The following CC2D2B variants were observed in gnomAD, a reference collection of about 807,000 sequenced individuals.
CC2D2B encodes protein CC2D2B.
A neutral mutation model predicts 161.2 loss-of-function variants in CC2D2B; 128 were observed. That is an observed-to-expected ratio of 0.79 (90% confidence interval 0.69 to 0.92). The LOEUF (loss-of-function observed/expected upper bound fraction) is 0.92. CC2D2B is among the 40% of genes least tolerant of loss of function. The pLI is 0.00. For synonymous variants in CC2D2B, 391 were observed against 449.8 expected, an observed-to-expected ratio of 0.87 and a Z score of 1.65; for missense variants, 1,173 against 1,375.1, an observed-to-expected ratio of 0.85 and a Z score of 2.32.
chr10:95,968,709 T>C lies in CC2D2B; in HGVS notation c.1467-15T>C, dbSNP rs2077025358. 5.3e-6 allele frequency: 6 copies of C among 1,122,560 alleles called. No homozygotes were observed. Among genetic ancestry groups the C allele is most frequent in the Non-Finnish European group, 6.8e-6 (6 of 888,534 alleles). 69.5% of individuals were successfully genotyped at this position (1,122,560 alleles called of 1,614,324 possible). A position where few individuals can be genotyped will look rare whatever the true frequency, so the allele number is the denominator to read the frequency against. The stretch of plus-strand genomic sequence containing the variant: ...TACTTTTTAAGGGTGATTTAAAGGT[T>C]TGTTTAATTTTTAGGCATGAACAAA... On this transcript the variant is annotated splice_polypyrimidine_tract_variant and intron_variant, in intron 14 of 34. Coordinates refer to ENST00000646931, the MANE Select transcript of CC2D2B (RefSeq NM_001349008.3).
At chr10:95,999,745 CTT>C (rs746798457) in intron 24 of CC2D2B, 12,911 of 174,074 alleles carry the variant, frequency 0.074, 109 homozygotes, top group Middle Eastern at 0.11. Context: ...GTCCAGAGGT[CTT>C]TTTTTTTTTT....
At chr10:95,919,928 G>C (rs1038338091) in intron 2 of CC2D2B, 1 of 151,594 alleles carries the variant, frequency 6.6e-6, no homozygotes, top group African/African-American at 2.4e-5. Flanking sequence ...AGGGCTATCT[G>C]CTTATGGGCA....
chr10:95,977,900 A>C (rs1222048987), intron 17 of CC2D2B, among the ~76,000 whole-genome samples: 1 of 152,228 alleles, frequency 6.6e-6, no homozygotes, highest in Non-Finnish European at 1.5e-5. Flanking sequence ...AGTGGAATAA[A>C]GGTTACCAGG....
chr10:95,981,939 T>C (rs2077546925), intron 17 of CC2D2B, 36 bp from the exon 18 acceptor site: 1 of 1,072,692 alleles, frequency 9.3e-7, no homozygotes, highest in African/African-American at 1.6e-5. Flanking sequence ...TATTTTATAT[T>C]GTATGCAAGT....
At chr10:95,910,256 A>G (rs1199405777) in intron 1 of CC2D2B, among the ~76,000 whole-genome samples, 1 of 152,160 alleles carries the variant, frequency 6.6e-6, no homozygotes, top group African/African-American at 2.4e-5. Context: ...GTTGAATGAT[A>G]CTCTTGTATT....
At chr10:95,945,884 A>C (rs1417808513) in intron 9 of CC2D2B, among the ~76,000 whole-genome samples, 4 of 148,542 alleles carry the variant, frequency 2.7e-5, no homozygotes, top group Non-Finnish European at 5.9e-5. Flanking sequence ...TCCCAGGTTC[A>C]AGTACTTCTC....
chr10:95,994,823 A>T (rs1169259750), intron 22 of CC2D2B, among the ~76,000 whole-genome samples: 1 of 152,238 alleles, frequency 6.6e-6, no homozygotes, highest in Non-Finnish European at 1.5e-5. Flanking sequence ...TATACTAATG[A>T]CTGATAATGT....
intron 6 of CC2D2B, among the ~76,000 whole-genome samples, chr10:95,934,161 G>A (rs761172949): frequency 2.6e-5 from 4 of 152,232 alleles, no homozygotes; most frequent in African/African-American, 4.8e-5. Context: ...GAACTTCCCC[G>A]TGGCTTTGTT....
Position 95,983,678 on chromosome 10 carries a change from G to A in CC2D2B, c.2155G>A (p.Val719Ile), listed in dbSNP as rs991412784. The change falls in exon 19 of 35, where the codon GTT becomes ATT. Residue 719 changes from valine (V) to isoleucine (I), a missense_variant. Around this residue, in one of 3 missense-constraint regions of CC2D2B, gnomAD observed 277 missense variants for 420.6 expected, o/e 0.66. Coordinates refer to ENST00000646931, the MANE Select transcript of CC2D2B (RefSeq NM_001349008.3). ...ACAGTTGCAAGATGAATTTAACTTCGTTTCTGAAGAGGAAATGGCAAAGAG... is the reference window on the plus strand; with the variant it reads ...ACAGTTGCAAGATGAATTTAACTTCATTTCTGAAGAGGAAATGGCAAAGAG... ...LEQLQDEFNF[V>I]SEEEMAKSKR... The A allele has an allele frequency of 5.4e-5, 66 of 1,231,364 alleles. No individual in the cohort carries two copies. The highest frequency in any genetic ancestry group is 3.1e-4 in the Middle Eastern group (1 of 3,224). The allele number at this position is 1,231,364 out of a possible 1,614,324, so 76.3% of individuals were successfully genotyped here.
intron 15 of CC2D2B, 133 bp downstream of exon 15, chr10:95,969,034 A>G (rs1334510758): frequency 2.5e-6 from 1 of 397,892 alleles, no homozygotes; most frequent in Non-Finnish European, 4.4e-6. Context: ...TGTGTAGATG[A>G]TAAGATATTT....
intron 24 of CC2D2B, among the ~76,000 whole-genome samples, chr10:96,003,021 A>AATAAATATATATAT (rs1366887388): frequency 1.3e-4 from 18 of 140,704 alleles, no homozygotes; most frequent in African/African-American, 4.7e-4. Context: ...AAAATAAATA[A>AATAAATATATATAT]ATATATATAT....
At chr10:95,965,462 A>G (rs1470155648) in intron 12 of CC2D2B, among the ~76,000 whole-genome samples, 1 of 152,078 alleles carries the variant, frequency 6.6e-6, no homozygotes, top group South Asian at 2.1e-4. Context: ...ATAAACACCA[A>G]CTATGATTTA....
rs2076935582 is a variant in CC2D2B, at chr10:95,966,189, G to A, written c.1354-1G>A. Reference sequence around the variant, plus strand: ...TCATATATTTATTTTTTGATTTCTAGAGCCTCTCATATCTAGCTTCAGACG... The same window carrying A: ...TCATATATTTATTTTTTGATTTCTAAAGCCTCTCATATCTAGCTTCAGACG... On this transcript the variant is annotated splice_acceptor_variant, in intron 13 of 34. Transcript: ENST00000646931. LOFTEE classifies it high-confidence loss of function. 1 of 1,155,994 alleles carries A rather than the reference G, an allele frequency of 8.7e-7. No individual in the cohort carries two copies. The highest frequency in any genetic ancestry group is 1.1e-6 in the Non-Finnish European group (1 of 919,024). 71.6% of individuals were successfully genotyped at this position (1,155,994 alleles called of 1,614,324 possible).
At chr10:95,945,702 C>T (rs569122511) in intron 9 of CC2D2B, among the ~76,000 whole-genome samples, 1 of 152,076 alleles carries the variant, frequency 6.6e-6, no homozygotes, top group South Asian at 2.1e-4. Context: ...ATTTAACTCA[C>T]TCGGTCAAGT....
At chr10:95,940,666 A>G (rs2075990999) in intron 9 of CC2D2B, among the ~76,000 whole-genome samples, 1 of 152,196 alleles carries the variant, frequency 6.6e-6, no homozygotes, top group Non-Finnish European at 1.5e-5. Flanking sequence ...ACCTTTTCTC[A>G]TTATAATTCA....
chr10:95,909,374 T>C (rs1292763789), intron 1 of CC2D2B, among the ~76,000 whole-genome samples: 1 of 152,250 alleles, frequency 6.6e-6, no homozygotes, highest in Non-Finnish European at 1.5e-5. Flanking sequence ...GTTGCCTTAA[T>C]TACATCATAA....
chr10:95,981,421 A>G (rs914109074), intron 17 of CC2D2B, among the ~76,000 whole-genome samples: 7 of 145,802 alleles, frequency 4.8e-5, no homozygotes, highest in Admixed American at 4.8e-4. Flanking sequence ...AAAAAAAAAA[A>G]GATTATCTCA....
intron 3 of CC2D2B, among the ~76,000 whole-genome samples, chr10:95,923,817 C>A (rs1264129807): frequency 6.6e-6 from 1 of 152,116 alleles, no homozygotes. Flanking sequence ...GAGTTTAAGA[C>A]CAGCCTGGCC....
At chr10:95,960,521 CT>C (rs5787166) in intron 11 of CC2D2B, among the ~76,000 whole-genome samples, 90,090 of 151,416 alleles carry the variant, frequency 0.59, 27,407 homozygotes, top group African/African-American at 0.67. Context: ...TACATATTTT[CT>C]TTTTTTTTGA....
Sources: allele counts gnomAD v4.1 joint callset (sites outside exome capture counted in the v4.1 genomes callset), GRCh38; gene constraint gnomAD v4.1.1; regional missense constraint gnomAD v4.1.1; transcripts MANE v1.5; gene names NCBI Gene and HGNC (gene_info 2026-07-23, HGNC 2026-07-21).